C10orf90: variants seen among roughly 807,000 people sequenced by gnomAD.
C10orf90 encodes chromosome 10 open reading frame 90, also known as (E2-independent) E3 ubiquitin-conjugating enzyme FATS.
Under a neutral mutation model 62.5 loss-of-function variants are expected in C10orf90, and 56 were observed. The observed-to-expected ratio is 0.90, with a 90% CI of 0.72 to 1.12. The LOEUF is 1.12. Among genes scored for constraint, C10orf90 ranks in the 50% most tolerant of loss-of-function variants. The pLI is 0.00. For missense variants in C10orf90, 970 were observed against 880.4 expected (o/e 1.10, Z -1.29); for synonymous variants, 386 against 340.4 (o/e 1.13, Z -1.47).
At chr10:126,640,114 T>G (rs1252828871) in intron 2 of C10orf90, among the ~76,000 whole-genome samples, 1 of 152,190 alleles carries the variant, frequency 6.6e-6, no homozygotes, top group African/African-American at 2.4e-5. Context: ...AGTAAATGCG[T>G]TTTATTCTCC....
rs149163255 is a variant in C10orf90, at chr10:126,435,241, C to T, written c.2189-5391G>A. ...TAACAATCTGGAAAGACAATAAGCT[C>T]TCAGACCTTTCTGGTGAAGGAATAT... is the stretch of plus-strand genomic sequence containing the variant. On this transcript the variant is annotated intron_variant, in intron 7 of 9. Coordinates refer to ENST00000488181, the MANE Select transcript of C10orf90 (RefSeq NM_001350921.2). Among the ~76,000 whole-genome samples the T allele has an allele frequency of 5.9e-5, 9 of 152,310 alleles. No individual in the cohort carries two copies. In the East Asian group the frequency reaches 1.7e-3, roughly 29 times the overall value.
intron 4 of C10orf90, among the ~76,000 whole-genome samples, chr10:126,475,279 TCAGTGAG>T (rs1279847990): frequency 6.6e-6 from 1 of 152,162 alleles, no homozygotes; most frequent in Admixed American, 6.5e-5. Flanking sequence ...CCCAGCTAGA[TCAGTGAG>T]TGAGGGCTCA....
At chr10:126,595,859 C>A (rs956357589) in intron 2 of C10orf90, among the ~76,000 whole-genome samples, 1 of 152,030 alleles carries the variant, frequency 6.6e-6, no homozygotes, top group African/African-American at 2.4e-5. Flanking sequence ...AGCCAGGTAC[C>A]TCTTCTTGGG....
Position 126,602,033 on chromosome 10 carries a change from C to T in C10orf90, c.313+44532G>A, listed in dbSNP as rs539826878. On this transcript the variant is annotated intron_variant, in intron 2 of 9. Coordinates refer to ENST00000488181, the MANE Select transcript of C10orf90 (RefSeq NM_001350921.2). ...GGGATGGTCCAACAGCCATCTTTCA[C>T]GTTGCTATGTAAACGTTCGCTTCAA... 7.2e-5 allele frequency among the ~76,000 whole-genome samples: 11 copies of T among 152,354 alleles called. No homozygotes were observed. In the South Asian group the frequency reaches 1.0e-3, roughly 14 times the overall value.
intron 1 of C10orf90, among the ~76,000 whole-genome samples, chr10:126,658,121 A>G (rs1332350683): frequency 6.6e-6 from 1 of 152,198 alleles, no homozygotes; most frequent in Non-Finnish European, 1.5e-5. Flanking sequence ...ATTCTGTCCC[A>G]GAACAAGGAC....
intron 4 of C10orf90, among the ~76,000 whole-genome samples, chr10:126,468,225 C>T (rs377384539): frequency 9.9e-5 from 15 of 152,050 alleles, no homozygotes; most frequent in East Asian, 5.8e-4. Flanking sequence ...CCCACCACCA[C>T]GCCCAGCTAA....
chr10:126,629,317 G>T (rs976517271), intron 2 of C10orf90, among the ~76,000 whole-genome samples: 11 of 152,176 alleles, frequency 7.2e-5, no homozygotes, highest in African/African-American at 2.7e-4. Flanking sequence ...TAGCTAATAG[G>T]ATGAAAGAGG....
At chr10:126,519,232 TTAAGA>T (rs761681758) in intron 2 of C10orf90, among the ~76,000 whole-genome samples, 2 of 152,122 alleles carry the variant, frequency 1.3e-5, no homozygotes, top group Non-Finnish European at 2.9e-5. Flanking sequence ...CAGAAATGGC[TTAAGA>T]TAAAGTATGA....
chr10:126,496,004 G>T (rs888842289), intron 4 of C10orf90, among the ~76,000 whole-genome samples: 1 of 152,192 alleles, frequency 6.6e-6, no homozygotes, highest in African/African-American at 2.4e-5. Flanking sequence ...TGGAGCCTCA[G>T]ATGGGCCCCA....
rs551003086 is a variant in C10orf90, at chr10:126,585,078, G to C, written c.313+61487C>G. On this transcript the variant is annotated intron_variant, in intron 2 of 9. Coordinates refer to ENST00000488181, the MANE Select transcript of C10orf90 (RefSeq NM_001350921.2). Reference sequence around the variant, plus strand: ...AGCAGTATGGAGGTTGGATGGAGGGGTCCATGCTGGAGACAGGAATTCCTG... The same window carrying C: ...AGCAGTATGGAGGTTGGATGGAGGGCTCCATGCTGGAGACAGGAATTCCTG... Among the ~76,000 whole-genome samples, 4 of 152,034 alleles carry C rather than the reference G, an allele frequency of 2.6e-5. No homozygotes were observed. In the South Asian group the frequency reaches 6.2e-4, roughly 24 times the overall value.
chr10:126,516,706 G>T (rs991412571), intron 2 of C10orf90, among the ~76,000 whole-genome samples: 1 of 152,158 alleles, frequency 6.6e-6, no homozygotes, highest in African/African-American at 2.4e-5. Context: ...TGCGACAAAC[G>T]ACCACAAATT....
chr10:126,450,859 A>G (rs1859134161), intron 7 of C10orf90, among the ~76,000 whole-genome samples: 2 of 152,188 alleles, frequency 1.3e-5, no homozygotes, highest in Non-Finnish European at 2.9e-5. Context: ...ATCACGCTAT[A>G]CAGCTTCTAC....
At chr10:126,493,846 G>T (rs1332025647) in intron 4 of C10orf90, among the ~76,000 whole-genome samples, 1 of 152,218 alleles carries the variant, frequency 6.6e-6, no homozygotes, top group Non-Finnish European at 1.5e-5. Flanking sequence ...TGAGGGTTTT[G>T]ACAGTGAATT....
chr10:126,550,247 C>T (rs531619430), intron 2 of C10orf90, among the ~76,000 whole-genome samples: 15 of 151,888 alleles, frequency 9.9e-5, no homozygotes, highest in Non-Finnish European at 8.8e-5. Context: ...TGAGCCACCG[C>T]GCCTGGCTCC....
intron 5 of C10orf90, among the ~76,000 whole-genome samples, chr10:126,463,770 G>A (rs1005354065): frequency 2.0e-5 from 3 of 152,302 alleles, no homozygotes; most frequent in South Asian, 2.1e-4. Context: ...GGCCGTCCTC[G>A]GCTTCCCCAT....
chr10:126,449,283 A>G (rs1237334273), intron 7 of C10orf90, among the ~76,000 whole-genome samples: 1 of 152,238 alleles, frequency 6.6e-6, no homozygotes, highest in African/African-American at 2.4e-5. Context: ...AAAGGACAAG[A>G]GCCATATGAT....
At chr10:126,625,454 C>T (rs1352028843) in intron 2 of C10orf90, among the ~76,000 whole-genome samples, 1 of 152,170 alleles carries the variant, frequency 6.6e-6, no homozygotes, top group Non-Finnish European at 1.5e-5. Flanking sequence ...TGTTTAGCAT[C>T]CTGCTTAACT....
chr10:126,584,431 T>C (rs1183493282), intron 2 of C10orf90, among the ~76,000 whole-genome samples: 1 of 152,052 alleles, frequency 6.6e-6, no homozygotes, highest in Non-Finnish European at 1.5e-5. Flanking sequence ...CTTCCATCTG[T>C]CCATCCATCC....
At chr10:126,450,039 A>T (rs939155882) in intron 7 of C10orf90, among the ~76,000 whole-genome samples, 1 of 152,078 alleles carries the variant, frequency 6.6e-6, no homozygotes, top group East Asian at 1.9e-4. Context: ...CACACAATGA[A>T]CTATATGAAA....
Sources: allele counts gnomAD v4.1 joint callset (sites outside exome capture counted in the v4.1 genomes callset), GRCh38; gene constraint gnomAD v4.1.1; transcripts MANE v1.5; gene names NCBI Gene and HGNC (gene_info 2026-07-23, HGNC 2026-07-21).